ERGIC2: variants seen among roughly 807,000 people sequenced by gnomAD.
The protein encoded by ERGIC2 is ERGIC and golgi 2, also known as endoplasmic reticulum-Golgi intermediate compartment protein 2.
A neutral mutation model predicts 52.5 loss-of-function variants in ERGIC2; 31 were observed. That is an observed-to-expected ratio of 0.59 (90% confidence interval 0.44 to 0.80). The LOEUF is 0.80. Among genes scored for constraint, ERGIC2 ranks in the 30% least tolerant of loss-of-function variants. The pLI is 0.00. For missense variants in ERGIC2, 395 were observed against 455.2 expected (o/e 0.87, Z 1.20); for synonymous variants, 129 against 140.6 (o/e 0.92, Z 0.58).
At position 29,337,407 on chromosome 12, in the gene ERGIC2, TTTG is replaced by T. The variant is rs990226253; in HGVS notation, c.*3746_*3748del. 1 of 128,486 alleles carries T rather than the reference TTTG, an allele frequency of 7.8e-6. No homozygotes were observed. The highest frequency in any genetic ancestry group is 3.8e-5 in the African/African-American group (1 of 26,158). The allele number at this position is 128,486 out of a possible 1,614,324, so 8.0% of individuals were successfully genotyped here. On this transcript the variant is annotated 3_prime_UTR_variant, in exon 14 of 14. Transcript: ENST00000360150. ...TGTTTATGCTTGCAATACTAAATATTTTGTTTTTTCTCTCAAGACAAAAAAAAA... is the reference window on the plus strand; with the variant it reads ...TGTTTATGCTTGCAATACTAAATATTTTTTTTCTCTCAAGACAAAAAAAAA...
chr12:29,341,105 A>G lies in ERGIC2; in HGVS notation c.*51T>C. 8.2e-7 allele frequency: 1 copy of G among 1,215,540 alleles called. No individual in the cohort carries two copies. The highest frequency in any genetic ancestry group is 1.2e-6 in the Non-Finnish European group (1 of 843,032). 75.3% of individuals were successfully genotyped at this position (1,215,540 alleles called of 1,614,324 possible). A position where few individuals can be genotyped will look rare whatever the true frequency, so the allele number is the denominator to read the frequency against. Reference sequence around the variant, plus strand: ...TATTGCACAATATTTTATTATTAAAAAAAGGTTTTATGTCTCAGGCAAAAA... The same window carrying G: ...TATTGCACAATATTTTATTATTAAAGAAAGGTTTTATGTCTCAGGCAAAAA... On this transcript the variant is annotated 3_prime_UTR_variant, in exon 14 of 14. Coordinates refer to ENST00000360150, the MANE Select transcript of ERGIC2 (RefSeq NM_016570.3).
At chr12:29,376,814 T>G (rs953244196) in intron 1 of ERGIC2, among the ~76,000 whole-genome samples, 1 of 152,200 alleles carries the variant, frequency 6.6e-6, no homozygotes, top group Non-Finnish European at 1.5e-5. Context: ...CAGAAGTCAT[T>G]GCTATTCTGT....
intron 8 of ERGIC2, among the ~76,000 whole-genome samples, chr12:29,352,893 A>T (rs1940152360): frequency 6.6e-6 from 1 of 152,188 alleles, no homozygotes; most frequent in Non-Finnish European, 1.5e-5. Flanking sequence ...TGGTTAAAAA[A>T]AATTAAAAAA....
intron 10 of ERGIC2, among the ~76,000 whole-genome samples, chr12:29,347,823 TACTC>T (rs1940078653): frequency 6.6e-6 from 1 of 152,200 alleles, no homozygotes; most frequent in African/African-American, 2.4e-5. Flanking sequence ...AACCTGATGA[TACTC>T]ACCTAACGGC....
At chr12:29,371,759 A>G (rs1159058657) in intron 1 of ERGIC2, 89 bp from the exon 2 acceptor site, 2 of 612,180 alleles carry the variant, frequency 3.3e-6, no homozygotes, top group Non-Finnish European at 5.6e-6. Flanking sequence ...AAATGTCCTT[A>G]AAACAACTTA....
At position 29,341,082 on chromosome 12, in the gene ERGIC2, T is replaced by C; in HGVS notation, c.*74A>G. The C allele has an allele frequency of 1.0e-5, 10 of 959,498 alleles. No homozygotes were observed. Among genetic ancestry groups the C allele is most frequent in the South Asian group, 1.5e-5 (1 of 66,816 alleles). The allele number at this position is 959,498 out of a possible 1,614,324, so 59.4% of individuals were successfully genotyped here. ...TTGTGTTTTCTTTTCTTTGAATATATTGCACAATATTTTATTATTAAAAAA... is the reference window on the plus strand; with the variant it reads ...TTGTGTTTTCTTTTCTTTGAATATACTGCACAATATTTTATTATTAAAAAA... On this transcript the variant is annotated 3_prime_UTR_variant, in exon 14 of 14. Transcript: ENST00000360150.
intron 6 of ERGIC2, among the ~76,000 whole-genome samples, chr12:29,361,033 G>A (rs1940278047): frequency 6.6e-6 from 1 of 152,166 alleles, no homozygotes; most frequent in African/African-American, 2.4e-5. Flanking sequence ...GATCACTTCA[G>A]TTCAGGAGTT....
chr12:29,368,335 A>C lies in ERGIC2; in HGVS notation c.216-48T>G, dbSNP rs1940392954. On this transcript the variant is annotated intron_variant, in intron 3 of 13. Transcript: ENST00000360150. Reference sequence around the variant, plus strand: ...TTAGTACCTACCAATTAATTAGCAAAACATGAGAAATATAAATCAACTGAC... The same window carrying C: ...TTAGTACCTACCAATTAATTAGCAACACATGAGAAATATAAATCAACTGAC... The C allele has an allele frequency of 7.2e-6, 7 of 966,916 alleles. No homozygotes were observed. The Admixed American group carries it at 1.2e-4, about 16-fold the overall frequency. 59.9% of individuals were successfully genotyped at this position (966,916 alleles called of 1,614,324 possible). A position where few individuals can be genotyped will look rare whatever the true frequency, so the allele number is the denominator to read the frequency against.
intron 7 of ERGIC2, 55 bp from the exon 8 acceptor site, chr12:29,356,532 G>T: frequency 2.2e-6 from 2 of 926,470 alleles, no homozygotes; most frequent in South Asian, 1.6e-5. Flanking sequence ...ACCATTTTAT[G>T]ATGAGAAAAA....
rs1167700951 is a variant in ERGIC2 at position 29,338,454 on chromosome 12, G to A, written c.*2702C>T. Reference sequence around the variant, plus strand: ...GAGTCCGGGAGTTGGAGTCCAGCTTGAACAACACAGCAAGATACTAACTAT... The same window carrying A: ...GAGTCCGGGAGTTGGAGTCCAGCTTAAACAACACAGCAAGATACTAACTAT... On this transcript the variant is annotated 3_prime_UTR_variant, in exon 14 of 14. Transcript: ENST00000360150. 1 of 152,042 alleles carries A rather than the reference G, an allele frequency of 6.6e-6. No individual in the cohort carries two copies. Among genetic ancestry groups the A allele is most frequent in the Non-Finnish European group, 1.5e-5 (1 of 68,020 alleles). The allele number at this position is 152,042 out of a possible 1,614,324, so 9.4% of individuals were successfully genotyped here. A position where few individuals can be genotyped will look rare whatever the true frequency, so the allele number is the denominator to read the frequency against.
chr12:29,347,941 C>T (rs1401367294), intron 10 of ERGIC2, among the ~76,000 whole-genome samples: 2 of 152,134 alleles, frequency 1.3e-5, no homozygotes, highest in Non-Finnish European at 2.9e-5. Flanking sequence ...TTTAGAAGAG[C>T]TTCTGTGCAA....
intron 1 of ERGIC2, among the ~76,000 whole-genome samples, chr12:29,379,768 G>A (rs1404235709): frequency 6.6e-6 from 1 of 151,874 alleles, no homozygotes; most frequent in Non-Finnish European, 1.5e-5. Flanking sequence ...GACATTAAGA[G>A]GCAGAATTAC....
chr12:29,371,722 G>T, intron 1 of ERGIC2, 52 bp from the exon 2 acceptor site: 1 of 819,742 alleles, frequency 1.2e-6, no homozygotes, highest in Non-Finnish European at 1.9e-6. Flanking sequence ...GAGATAAAAA[G>T]GTTTCTTTAA....
At chr12:29,344,201 A>G (rs556989550) in intron 11 of ERGIC2, among the ~76,000 whole-genome samples, 3 of 152,286 alleles carry the variant, frequency 2.0e-5, no homozygotes, top group South Asian at 2.1e-4. Context: ...ACTATTACAG[A>G]TAACAATGCA....
rs575559848 is a variant in ERGIC2 at position 29,355,519 on chromosome 12, T to C, written c.572+863A>G. On this transcript the variant is annotated intron_variant, in intron 8 of 13. Transcript: ENST00000360150. ...ATATGGAAAAGAAGGGAGGGAAAGA[T>C]GGATGGATCTATTTATTCATTCAAA... 9.9e-5 allele frequency among the ~76,000 whole-genome samples: 15 copies of C among 152,234 alleles called. No homozygotes were observed. The East Asian group carries it at 2.5e-3, about 25-fold the overall frequency.
chr12:29,341,814 T>C lies in ERGIC2; in HGVS notation c.991A>G (p.Met331Val). 6.7e-7 allele frequency: 1 copy of C among 1,492,996 alleles called. No individual in the cohort carries two copies. The highest frequency in any genetic ancestry group is 9.3e-7 in the Non-Finnish European group (1 of 1,069,952). 92.5% of individuals were successfully genotyped at this position (1,492,996 alleles called of 1,614,324 possible). The change falls in exon 13 of 14, where the codon ATG (methionine) becomes GTG (valine). Residue 331 changes from methionine to valine, a missense_variant and splice_region_variant. Physicochemically the swap from Met to Val is conservative, Grantham distance 21. Coordinates refer to ENST00000360150, the MANE Select transcript of ERGIC2 (RefSeq NM_016570.3). ...ATAAATTTTCCAATTCCATGTAACA[T>C]GCCTGTAATAAACAATAAGTTTATG... ...IVGGIFSTTGMLHGIGKFIVE... is the reference protein window; with the variant it reads ...IVGGIFSTTGVLHGIGKFIVE...
intron 3 of ERGIC2, among the ~76,000 whole-genome samples, chr12:29,369,392 C>T (rs1034395911): frequency 6.6e-6 from 1 of 151,900 alleles, no homozygotes; most frequent in Non-Finnish European, 1.5e-5. Context: ...CAAGGTTACA[C>T]AGCAATTTAC....
intron 2 of ERGIC2, 100 bp downstream of exon 2, chr12:29,371,428 T>C (rs1023638168): frequency 8.1e-6 from 6 of 738,428 alleles, no homozygotes; most frequent in African/African-American, 3.7e-5. Flanking sequence ...GCAGAATTCA[T>C]TGATAAATTC....
Position 29,345,145 on chromosome 12 carries a change from TAA to T in ERGIC2, c.825+296_825+297del, listed in dbSNP as rs997306570. On this transcript the variant is annotated intron_variant, in intron 11 of 13. Coordinates refer to ENST00000360150, the MANE Select transcript of ERGIC2 (RefSeq NM_016570.3). ...ATTTATGAGAAAACATTTATAAAAT[TAA>T]GACATTAAGAATAAAATAATTAAGG... Among the ~76,000 whole-genome samples, 41 of 152,270 alleles carry T rather than the reference TAA, an allele frequency of 2.7e-4. 1 individual carries two copies. The highest frequency in any genetic ancestry group is 9.6e-4 in the African/African-American group (40 of 41,568).
Sources: gnomAD v4.1 joint callset for allele counts (sites outside exome capture counted in the v4.1 genomes callset) on GRCh38, gnomAD v4.1.1 for gene constraint, MANE v1.5 for transcripts, NCBI Gene and HGNC (gene_info 2026-07-23, HGNC 2026-07-21) for gene names.